The following PLEKHH2 variants were observed in gnomAD, a reference collection of about 807,000 sequenced individuals.
The protein encoded by PLEKHH2 is pleckstrin homology domain-containing family H member 2.
PLEKHH2 carries 129 observed loss-of-function variants against 187.9 expected under a neutral mutation model. That is an observed-to-expected ratio of 0.69 (90% confidence interval 0.59 to 0.79). The LOEUF (loss-of-function observed/expected upper bound fraction) is 0.79, where lower values mean the gene tolerates loss of function less well. Among genes scored for constraint, PLEKHH2 ranks in the 30% least tolerant of loss-of-function variants. The probability of loss-of-function intolerance (pLI) is 0.00; values close to 1 mark genes in which losing one functional copy is unlikely to be tolerated. For missense variants in PLEKHH2, 2,076 were observed against 1,751.2 expected, an observed-to-expected ratio of 1.19 and a Z score of -3.31; for synonymous variants, 686 against 605.6, an observed-to-expected ratio of 1.13 and a Z score of -1.95.
In PLEKHH2 at chr2:43,678,333, C is replaced by G. The variant is rs1458616258; in HGVS notation, c.124-530C>G. On this transcript the variant is annotated intron_variant, in intron 2 of 29. Transcript: ENST00000282406. ...GGCGGCCGGGCAGAGGCTGCAATCTCGGCACTTTGGGCGGCCAAGGCAGGC... is the reference window on the plus strand; with the variant it reads ...GGCGGCCGGGCAGAGGCTGCAATCTGGGCACTTTGGGCGGCCAAGGCAGGC... 2.6e-5 allele frequency among the ~76,000 whole-genome samples: 4 copies of G among 152,176 alleles called. No homozygotes were observed. In the East Asian group the frequency reaches 7.7e-4, roughly 29 times the overall value.
chr2:43,763,702 A>G (rs1255755978), intron 28 of PLEKHH2, among the ~76,000 whole-genome samples: 2 of 149,930 alleles, frequency 1.3e-5, no homozygotes, highest in Non-Finnish European at 3.0e-5. Flanking sequence ...CCTAAGTTAT[A>G]TTTTTACATT....
intron 25 of PLEKHH2, among the ~76,000 whole-genome samples, chr2:43,755,686 C>G (rs1386047446): frequency 6.6e-6 from 1 of 152,160 alleles, no homozygotes; most frequent in Non-Finnish European, 1.5e-5. Flanking sequence ...GGGCTGGAAT[C>G]ATTTGAAGGC....
At chr2:43,746,522 CA>C (rs1436381358) in intron 24 of PLEKHH2, among the ~76,000 whole-genome samples, 1 of 130,208 alleles carries the variant, frequency 7.7e-6, no homozygotes, top group Admixed American at 7.6e-5. Context: ...TGTCTCAAAA[CA>C]AACAAAAAAT....
intron 2 of PLEKHH2, among the ~76,000 whole-genome samples, chr2:43,658,166 T>C (rs1399863376): frequency 1.3e-5 from 2 of 152,238 alleles, no homozygotes; most frequent in African/African-American, 2.4e-5. Context: ...AGTGTACTTT[T>C]ATCTTTCAGC....
chr2:43,741,846 G>A (rs1225169976), intron 21 of PLEKHH2, among the ~76,000 whole-genome samples: 1 of 152,040 alleles, frequency 6.6e-6, no homozygotes, highest in African/African-American at 2.4e-5. Flanking sequence ...GCTTGAATAA[G>A]CAGTAAAATT....
chr2:43,676,042 T>G (rs1667757024), intron 2 of PLEKHH2: 1 of 1,614,018 alleles, frequency 6.2e-7, no homozygotes, highest in African/African-American at 1.3e-5. Context: ...TTTGTCACAG[T>G]GTTTGGTCCA....
At chr2:43,731,352 A>G (rs1671026983) in intron 18 of PLEKHH2, 138 bp from the exon 19 acceptor site, 2 of 591,974 alleles carry the variant, frequency 3.4e-6, no homozygotes, top group Admixed American at 3.6e-5. Context: ...TAATGTTGCC[A>G]AAGAGTTTTT....
chr2:43,683,760 A>T (rs754539967), intron 3 of PLEKHH2, among the ~76,000 whole-genome samples: 1 of 151,188 alleles, frequency 6.6e-6, no homozygotes, highest in Non-Finnish European at 1.5e-5. Flanking sequence ...CAGGAGGTGG[A>T]TGTCTAGTTA....
chr2:43,722,285 A>T (rs1017197175), intron 16 of PLEKHH2, among the ~76,000 whole-genome samples: 2 of 151,836 alleles, frequency 1.3e-5, no homozygotes, highest in African/African-American at 4.8e-5. Context: ...TTAATATAGA[A>T]TTGTGGACAT....
intron 17 of PLEKHH2, 114 bp downstream of exon 17, chr2:43,726,565 C>G (rs1670760601): frequency 3.3e-6 from 3 of 912,932 alleles, no homozygotes; most frequent in Non-Finnish European, 4.9e-6. Flanking sequence ...TTGCTATAGA[C>G]TTTCACCTCT....
chr2:43,694,706 A>G (rs1268488629), intron 5 of PLEKHH2, among the ~76,000 whole-genome samples, 192 bp downstream of exon 5: 1 of 152,204 alleles, frequency 6.6e-6, no homozygotes, highest in Non-Finnish European at 1.5e-5. Flanking sequence ...AAACATATTA[A>G]TAGACTCATG....
chr2:43,703,916 CTTTTTTTTTTTTT>C (rs10530805), intron 8 of PLEKHH2, 52 bp from the exon 9 acceptor site: 28 of 387,504 alleles, frequency 7.2e-5, no homozygotes, highest in Middle Eastern at 3.9e-4. Context: ...TGAAAGTAGT[CTTTTTTTTTTTTT>C]TTTTTTTTTT....
chr2:43,690,173 C>T (rs553190716), intron 3 of PLEKHH2, among the ~76,000 whole-genome samples: 2 of 152,230 alleles, frequency 1.3e-5, no homozygotes, highest in African/African-American at 4.8e-5. Flanking sequence ...GATTACTGTT[C>T]AGCTGTCTGT....
At chr2:43,681,998 C>T (rs71420066) in intron 3 of PLEKHH2, among the ~76,000 whole-genome samples, 27,266 of 151,976 alleles carry the variant, frequency 0.18, 2,658 homozygotes, top group African/African-American at 0.24. Flanking sequence ...ATAGTGAACC[C>T]GCATCACCCA....
intron 2 of PLEKHH2, chr2:43,676,249 A>G (rs1667778669): frequency 6.2e-7 from 1 of 1,613,898 alleles, no homozygotes. Context: ...TTGGCCAAAC[A>G]TAGTTATCAA....
At chr2:43,712,166 T>C (rs1461095972) in intron 14 of PLEKHH2, 59 bp from the exon 15 acceptor site, 1 of 1,558,766 alleles carries the variant, frequency 6.4e-7, no homozygotes, top group Non-Finnish European at 8.8e-7. Context: ...AACAAGGAAA[T>C]GCTAACAATC....
At chr2:43,722,618 A>G (rs990091447) in intron 16 of PLEKHH2, among the ~76,000 whole-genome samples, 1 of 152,186 alleles carries the variant, frequency 6.6e-6, no homozygotes, top group African/African-American at 2.4e-5. Context: ...ACAGTTCCCA[A>G]TTTCTCTGTA....
intron 24 of PLEKHH2, among the ~76,000 whole-genome samples, chr2:43,751,926 C>CTTTTTTTT (rs1191371733): frequency 0.022 from 3,092 of 139,490 alleles, 129 homozygotes; most frequent in African/African-American, 0.078. Context: ...CTCTCTCTCT[C>CTTTTTTTT]TTTTTTTTTT....
At chr2:43,647,298 A>G (rs1014263055) in intron 2 of PLEKHH2, among the ~76,000 whole-genome samples, 1 of 152,252 alleles carries the variant, frequency 6.6e-6, no homozygotes, top group African/African-American at 2.4e-5. Context: ...AATATTATCC[A>G]CATTTACAGA....
Sources: allele counts gnomAD v4.1 joint callset (sites outside exome capture counted in the v4.1 genomes callset), GRCh38; gene constraint gnomAD v4.1.1; transcripts MANE v1.5; gene names NCBI Gene and HGNC (gene_info 2026-07-23, HGNC 2026-07-21).